Variants in ZKSCAN8 observed in about 807,000 individuals in gnomAD.
The protein encoded by ZKSCAN8 is zinc finger protein with KRAB and SCAN domains 8.
ZKSCAN8 carries 27 observed loss-of-function variants against 57.2 expected under a neutral mutation model. That is an observed-to-expected ratio of 0.47 (90% CI 0.35 to 0.65). ZKSCAN8 has a LOEUF of 0.65. ZKSCAN8 is among the 30% of genes least tolerant of loss of function. The probability of loss-of-function intolerance (pLI) is 0.01; values close to 1 mark genes in which losing one functional copy is unlikely to be tolerated. For synonymous variants in ZKSCAN8, 214 were observed against 248.7 expected, an observed-to-expected ratio of 0.86 and a Z score of 1.31; for missense variants, 597 against 696.3, an observed-to-expected ratio of 0.86 and a Z score of 1.60.
intron 2 of ZKSCAN8, 84 bp from the exon 3 acceptor site, chr6:28,149,399 T>C (rs1214583126): frequency 1.3e-6 from 2 of 1,549,128 alleles, no homozygotes; most frequent in African/African-American, 1.4e-5. Flanking sequence ...CATATATCCC[T>C]GTAGATGTGT....
chr6:28,148,336 C>G lies in ZKSCAN8; in HGVS notation c.-72C>G. The G allele has an allele frequency of 6.7e-7, 1 of 1,490,636 alleles. No individual in the cohort carries two copies. The highest frequency in any genetic ancestry group is 9.0e-7 in the Non-Finnish European group (1 of 1,109,130). 92.3% of individuals were successfully genotyped at this position (1,490,636 alleles called of 1,614,324 possible). A position where few individuals can be genotyped will look rare whatever the true frequency, so the allele number is the denominator to read the frequency against. On this transcript the variant is annotated 5_prime_UTR_variant, in exon 2 of 6. Transcript: ENST00000330236. Reference sequence around the variant, plus strand: ...TGAAGAAGTACCCTTAGAAAGAGGCCCTCAGAAGAGTCTTCTCTTAAGAAG... The same window carrying G: ...TGAAGAAGTACCCTTAGAAAGAGGCGCTCAGAAGAGTCTTCTCTTAAGAAG...
chr6:28,154,392 A>G lies in ZKSCAN8; in HGVS notation c.*375A>G. 5.7e-6 allele frequency: 1 copy of G among 175,302 alleles called. No homozygotes were observed. The highest frequency in any genetic ancestry group is 1.2e-5 in the Non-Finnish European group (1 of 82,844). 10.9% of individuals were successfully genotyped at this position (175,302 alleles called of 1,614,324 possible). A position where few individuals can be genotyped will look rare whatever the true frequency, so the allele number is the denominator to read the frequency against. ...CCTGTGCTTCTTCCCATCTCCTGTG[A>G]TCCCCCTCTCCCATTTATTCCCTTG... On this transcript the variant is annotated 3_prime_UTR_variant, in exon 6 of 6. Transcript: ENST00000330236.
At chr6:28,152,848 C>CT (rs1055925755) in intron 5 of ZKSCAN8, among the ~76,000 whole-genome samples, 26 of 152,242 alleles carry the variant, frequency 1.7e-4, no homozygotes, top group African/African-American at 4.1e-4. Flanking sequence ...AATTAACTCT[C>CT]TTTTTTTAAT....
At position 28,148,533 on chromosome 6, in the gene ZKSCAN8, T is replaced by C; in HGVS notation, c.126T>C (p.Ser42=). 3 of 1,614,214 alleles carry C rather than the reference T, an allele frequency of 1.9e-6. No homozygotes were observed. The highest frequency in any genetic ancestry group is 2.5e-6 in the Non-Finnish European group (3 of 1,180,042). Reference sequence around the variant, plus strand: ...ACCAGGAATCTAGTCTGCATGAAAGTAACCCTCTTGGCCAAGAAGTGTTCC... The same window carrying C: ...ACCAGGAATCTAGTCTGCATGAAAGCAACCCTCTTGGCCAAGAAGTGTTCC... ...GWDQESSLHE[S]NPLGQEVFRL... The change falls in exon 2 of 6, where the codon AGT becomes AGC. Residue 42 remains serine (S), a synonymous_variant. Transcript: ENST00000330236.
rs903596740 is a variant in ZKSCAN8, at chr6:28,156,791, G to A, written c.*2774G>A. 6.6e-6 allele frequency: 1 copy of A among 152,144 alleles called. No individual in the cohort carries two copies. The highest frequency in any genetic ancestry group is 2.4e-5 in the African/African-American group (1 of 41,422). The allele number at this position is 152,144 out of a possible 1,614,324, so 9.4% of individuals were successfully genotyped here. Reference sequence around the variant, plus strand: ...TTTTAGGAACTGACATGATAAGGTGGTTCTTTCATAACTCTAATGCCATCC... The same window carrying A: ...TTTTAGGAACTGACATGATAAGGTGATTCTTTCATAACTCTAATGCCATCC... On this transcript the variant is annotated 3_prime_UTR_variant, in exon 6 of 6. Transcript: ENST00000330236.
intron 1 of ZKSCAN8, among the ~76,000 whole-genome samples, chr6:28,143,216 A>G (rs1765274270): frequency 6.6e-6 from 1 of 152,232 alleles, no homozygotes; most frequent in African/African-American, 2.4e-5. Flanking sequence ...AGGAAGGTAC[A>G]TACTGGAGTA....
chr6:28,152,238 A>G (rs765562844), intron 4 of ZKSCAN8, 23 bp from the exon 5 acceptor site: 2 of 1,593,330 alleles, frequency 1.3e-6, no homozygotes, highest in Non-Finnish European at 1.7e-6. Flanking sequence ...CAGTCCCCAA[A>G]TGGGGATCTT....
chr6:28,143,580 T>A (rs1765290681), intron 1 of ZKSCAN8, among the ~76,000 whole-genome samples: 1 of 152,034 alleles, frequency 6.6e-6, no homozygotes, highest in Non-Finnish European at 1.5e-5. Flanking sequence ...TGTCCCTAAA[T>A]AATAATAATA....
Position 28,153,208 on chromosome 6 carries a change from G to C in ZKSCAN8, c.928G>C (p.Glu310Gln). The C allele has an allele frequency of 6.2e-7, 1 of 1,614,206 alleles. No individual in the cohort carries two copies. The highest frequency in any genetic ancestry group is 1.1e-5 in the South Asian group (1 of 91,084). The stretch of plus-strand genomic sequence containing the variant: ...AGCCCGAGACCTTCTGGGCAGATTA[G>C]AGAGGCAGCGGGGAAATCCCACACA... ...EEARDLLGRL[E>Q]RQRGNPTQER... The change falls in exon 6 of 6, where the codon GAG (glutamate) becomes CAG (glutamine). Residue 310 changes from glutamate (E) to glutamine (Q), a missense_variant. By Grantham distance (29) the Glu-to-Gln change is conservative (BLOSUM62 2). Transcript: ENST00000330236.
chr6:28,143,759 A>C (rs1765297145), intron 1 of ZKSCAN8, among the ~76,000 whole-genome samples: 2 of 152,174 alleles, frequency 1.3e-5, no homozygotes, highest in Admixed American at 6.5e-5. Context: ...TTGACCTTTA[A>C]GTTTTTAACA....
chr6:28,150,371 C>T (rs1359903531), intron 3 of ZKSCAN8, among the ~76,000 whole-genome samples: 1 of 152,158 alleles, frequency 6.6e-6, no homozygotes, highest in Admixed American at 6.5e-5. Context: ...GCCAAGGATA[C>T]ATGACCTAAA....
In ZKSCAN8 at chr6:28,154,108, GTCA is replaced by G. The variant is rs1765703289; in HGVS notation, c.*95_*97del. 1 of 1,490,000 alleles carries G rather than the reference GTCA, an allele frequency of 6.7e-7. No homozygotes were observed. Among genetic ancestry groups the G allele is most frequent in the African/African-American group, 1.4e-5 (1 of 71,318 alleles). 92.3% of individuals were successfully genotyped at this position (1,490,000 alleles called of 1,614,324 possible). A position where few individuals can be genotyped will look rare whatever the true frequency, so the allele number is the denominator to read the frequency against. On this transcript the variant is annotated 3_prime_UTR_variant, in exon 6 of 6. Transcript: ENST00000330236. ...TTTCAGTGTACTAAAAGGCAGAAAG[GTCA>G]TCACAACTTTAGTGTCAGAATCTAT...
At chr6:28,149,432 A>T in intron 2 of ZKSCAN8, 51 bp from the exon 3 acceptor site, 1 of 1,606,506 alleles carries the variant, frequency 6.2e-7, no homozygotes, top group South Asian at 1.1e-5. Flanking sequence ...TTCATTGTTC[A>T]TTACATTTCG....
chr6:28,152,900 C>A (rs1765640559), intron 5 of ZKSCAN8, among the ~76,000 whole-genome samples, 156 bp from the exon 6 acceptor site: 1 of 152,156 alleles, frequency 6.6e-6, no homozygotes, highest in South Asian at 2.1e-4. Flanking sequence ...TAAGCAAGGT[C>A]ACTATTAAGA....
Position 28,156,007 on chromosome 6 carries a change from A to G in ZKSCAN8, c.*1990A>G, listed in dbSNP as rs1171573931. ...TACTTGAAATTTTAAGAAACCAGAA[A>G]CAAGTAAATCTGGTTGTATCTAGAT... On this transcript the variant is annotated 3_prime_UTR_variant, in exon 6 of 6. Transcript: ENST00000330236. 2.5e-6 allele frequency: 1 copy of G among 396,844 alleles called. No homozygotes were observed. The allele number at this position is 396,844 out of a possible 1,614,324, so 24.6% of individuals were successfully genotyped here. A position where few individuals can be genotyped will look rare whatever the true frequency, so the allele number is the denominator to read the frequency against.
chr6:28,153,005 G>A, intron 5 of ZKSCAN8, 51 bp from the exon 6 acceptor site: 1 of 1,593,860 alleles, frequency 6.3e-7, no homozygotes, highest in Non-Finnish European at 8.6e-7. Flanking sequence ...CTAGCATAAA[G>A]AATAGGTTGT....
Position 28,154,071 on chromosome 6 carries a change from T to G in ZKSCAN8, c.*54T>G. Reference sequence around the variant, plus strand: ...ATTCAGCATTAGGGAAACCACACACTGGTGAGAGGTCTTTCAGTGTACTAA... The same window carrying G: ...ATTCAGCATTAGGGAAACCACACACGGGTGAGAGGTCTTTCAGTGTACTAA... On this transcript the variant is annotated 3_prime_UTR_variant, in exon 6 of 6. Transcript: ENST00000330236. The G allele has an allele frequency of 6.6e-7, 1 of 1,519,328 alleles. No individual in the cohort carries two copies. Among genetic ancestry groups the G allele is most frequent in the Admixed American group, 2.2e-5 (1 of 46,016 alleles). 94.1% of individuals were successfully genotyped at this position (1,519,328 alleles called of 1,614,324 possible).
rs1269027973 is a variant in ZKSCAN8, at chr6:28,158,311, C to T, written c.*4294C>T. 1 of 151,998 alleles carries T rather than the reference C, an allele frequency of 6.6e-6. No individual in the cohort carries two copies. Among genetic ancestry groups the T allele is most frequent in the Non-Finnish European group, 1.5e-5 (1 of 67,998 alleles). The allele number at this position is 151,998 out of a possible 1,614,324, so 9.4% of individuals were successfully genotyped here. On this transcript the variant is annotated 3_prime_UTR_variant, in exon 6 of 6. Coordinates refer to ENST00000330236, the MANE Select transcript of ZKSCAN8 (RefSeq NM_006298.4). ...TTTTATTCACTTCATTTTCTATACT[C>T]CTATTTATCCATTTTGATTGTTTAT...
At position 28,148,337 on chromosome 6, in the gene ZKSCAN8, C is replaced by T. The variant is rs988300602; in HGVS notation, c.-71C>T. The stretch of plus-strand genomic sequence containing the variant: ...GAAGAAGTACCCTTAGAAAGAGGCC[C>T]TCAGAAGAGTCTTCTCTTAAGAAGA... On this transcript the variant is annotated 5_prime_UTR_variant, in exon 2 of 6. Transcript: ENST00000330236. 1 of 1,500,008 alleles carries T rather than the reference C, an allele frequency of 6.7e-7. No homozygotes were observed. Among genetic ancestry groups the T allele is most frequent in the African/African-American group, 1.4e-5 (1 of 71,226 alleles). 92.9% of individuals were successfully genotyped at this position (1,500,008 alleles called of 1,614,324 possible). A position where few individuals can be genotyped will look rare whatever the true frequency, so the allele number is the denominator to read the frequency against.
Sources: gnomAD v4.1 joint callset for allele counts (sites outside exome capture counted in the v4.1 genomes callset) on GRCh38, gnomAD v4.1.1 for gene constraint, MANE v1.5 for transcripts, NCBI Gene and HGNC (gene_info 2026-07-23, HGNC 2026-07-21) for gene names.